Variants in YY1AP1 observed in about 807,000 individuals in gnomAD.
YY1AP1 encodes the protein YY1 associated protein 1.
YY1AP1 carries 43 observed loss-of-function variants against 39.9 expected under a neutral mutation model. That is an observed-to-expected ratio of 1.08 (90% confidence interval 0.84 to 1.39). YY1AP1 has a LOEUF of 1.39. YY1AP1 is among the 40% of genes most tolerant of loss of function. YY1AP1 has a pLI of 0.00. For missense variants in YY1AP1, 813 were observed against 900.7 expected, an observed-to-expected ratio of 0.90 and a Z score of 1.25; for synonymous variants, 292 against 331.3, an observed-to-expected ratio of 0.88 and a Z score of 1.29.
chr1:155,660,049 T>G lies in YY1AP1; in HGVS notation c.1861A>C (p.Asn621His), dbSNP rs776378629. 1.9e-6 allele frequency: 3 copies of G among 1,614,152 alleles called. No homozygotes were observed. The South Asian group carries it at 3.3e-5, about 18-fold the overall frequency. The change falls in exon 11 of 11, where the codon AAT becomes CAT. Residue 621 changes from asparagine (N) to histidine (H), a missense_variant. Physicochemically the swap from Asn to His is moderately conservative, Grantham distance 68. Transcript: ENST00000355499. ...GATGGTATAGGAAGATTCACAGAAT[T>G]GCCAGAAACAATTAAGGGTGAGACA... ...SSVSPLIVSG[N>H]SVNLPIPSTP...
intron 7 of YY1AP1, among the ~76,000 whole-genome samples, chr1:155,671,452 G>T (rs1649857855): frequency 6.6e-6 from 1 of 150,378 alleles, no homozygotes; most frequent in Non-Finnish European, 1.5e-5. Flanking sequence ...AAAGAAAAAA[G>T]ATTCCAACTT....
At chr1:155,679,227 A>G in intron 4 of YY1AP1, 182 bp downstream of exon 4, 1 of 1,528,634 alleles carries the variant, frequency 6.5e-7, no homozygotes, top group Non-Finnish European at 8.8e-7. Flanking sequence ...CTTGGCCTAC[A>G]GCTGCACTGC....
rs763967848 is a variant in YY1AP1, at chr1:155,676,679, G to A, written c.193C>T (p.Leu65=). 3 of 1,613,986 alleles carry A rather than the reference G, an allele frequency of 1.9e-6. No individual in the cohort carries two copies. The highest frequency in any genetic ancestry group is 2.5e-6 in the Non-Finnish European group (3 of 1,180,030). Residue 65 remains leucine (L), a synonymous_variant, in exon 5 of 11, where the codon CTG becomes TTG. Transcript: ENST00000355499. ...HQIAKELFEQ[L]KMKKPSAKQQ... is the part of the protein sequence containing the mutation. ...TTGGCTGAAGGTTTCTTCATCTTCA[G>A]CTGTTCAAATAGTTCCTTCGCTATC...
At chr1:155,669,947 C>T (rs563311404) in intron 8 of YY1AP1, among the ~76,000 whole-genome samples, 1 of 152,130 alleles carries the variant, frequency 6.6e-6, no homozygotes, top group African/African-American at 2.4e-5. Context: ...ATCACTTGAT[C>T]CCAGGAGTTC....
intron 1 of YY1AP1, 101 bp from the exon 2 acceptor site, chr1:155,688,302 G>A: frequency 6.4e-7 from 1 of 1,567,218 alleles, no homozygotes; most frequent in Non-Finnish European, 8.6e-7. Flanking sequence ...GTTTCCCCTC[G>A]CAAAGCGAAC....
chr1:155,688,228 G>A (rs775883107), intron 1 of YY1AP1, 27 bp from the exon 2 acceptor site: 5 of 1,613,136 alleles, frequency 3.1e-6, no homozygotes, highest in Non-Finnish European at 4.2e-6. Context: ...AGAGGAGAAG[G>A]GAAAGGTGGA....
Position 155,682,531 on chromosome 1 carries a change from T to C in YY1AP1, c.-20-2075A>G, listed in dbSNP as rs979796947. ...CCTGCCACAACACCTGGATAATTTT[T>C]TGTATTTTTAGTAGAGATGGGGTTT... is the stretch of plus-strand genomic sequence containing the variant. On this transcript the variant is annotated intron_variant, in intron 2 of 10. Coordinates refer to ENST00000355499, the MANE Select transcript of YY1AP1 (RefSeq NM_139119.3). 3.3e-5 allele frequency among the ~76,000 whole-genome samples: 5 copies of C among 152,084 alleles called. No individual in the cohort carries two copies. In the South Asian group the frequency reaches 1.0e-3, roughly 32 times the overall value.
chr1:155,679,086 G>C (rs1651140749), intron 4 of YY1AP1: 1 of 1,233,090 alleles, frequency 8.1e-7, no homozygotes, highest in Admixed American at 3.3e-5. Flanking sequence ...GGGACAGACT[G>C]GATATTACAA....
chr1:155,678,399 T>C (rs974062957), intron 4 of YY1AP1, among the ~76,000 whole-genome samples: 13 of 152,234 alleles, frequency 8.5e-5, no homozygotes, highest in African/African-American at 2.9e-4. Context: ...ATTAGTTCTA[T>C]ATTTTCCAAA....
chr1:155,668,484 C>A, intron 9 of YY1AP1, 143 bp downstream of exon 9: 1 of 1,268,894 alleles, frequency 7.9e-7, no homozygotes, highest in South Asian at 1.3e-5. Context: ...CCTGAAAAGG[C>A]AACAGGGGAA....
chr1:155,688,719 G>T lies in YY1AP1; in HGVS notation c.-212C>A. 9.5e-7 allele frequency: 1 copy of T among 1,053,238 alleles called. No individual in the cohort carries two copies. Among genetic ancestry groups the T allele is most frequent in the Non-Finnish European group, 1.3e-6 (1 of 744,888 alleles). 65.2% of individuals were successfully genotyped at this position (1,053,238 alleles called of 1,614,324 possible). A position where few individuals can be genotyped will look rare whatever the true frequency, so the allele number is the denominator to read the frequency against. ...TCTTCTCTCCTCCCCCTCCCTCCCCGCCCGCACGGCCACCAACCGCCGCCA... is the reference window on the plus strand; with the variant it reads ...TCTTCTCTCCTCCCCCTCCCTCCCCTCCCGCACGGCCACCAACCGCCGCCA... On this transcript the variant is annotated 5_prime_UTR_variant, in exon 1 of 11. Transcript: ENST00000355499.
intron 4 of YY1AP1, among the ~76,000 whole-genome samples, chr1:155,677,040 G>T (rs1342561394): frequency 6.6e-6 from 1 of 152,086 alleles, no homozygotes; most frequent in East Asian, 1.9e-4. Context: ...AAATATATGG[G>T]TAAGAAAGCA....
chr1:155,677,947 T>C (rs1650958857), intron 4 of YY1AP1, among the ~76,000 whole-genome samples: 1 of 152,228 alleles, frequency 6.6e-6, no homozygotes, highest in Non-Finnish European at 1.5e-5. Flanking sequence ...TTACTCTCTA[T>C]GGACTTACAG....
intron 9 of YY1AP1, among the ~76,000 whole-genome samples, chr1:155,666,620 C>T (rs908142871): frequency 6.6e-6 from 1 of 151,964 alleles, no homozygotes. Flanking sequence ...CAGGCAGTAC[C>T]AATTAGAGGC....
chr1:155,666,175 G>A (rs1648974210), intron 9 of YY1AP1, among the ~76,000 whole-genome samples: 1 of 151,514 alleles, frequency 6.6e-6, no homozygotes, highest in Non-Finnish European at 1.5e-5. Flanking sequence ...AGACTGGAGT[G>A]CAGTGGCGCG....
rs1650545653 is a variant in YY1AP1 at position 155,675,658 on chromosome 1, AT to A, written c.325-563del. ...TTTTTTGTAGAGACAGAGTCTCACT[AT>A]GTTGTCCAGGCTGCTTTTGAACTCC... On this transcript the variant is annotated intron_variant, in intron 5 of 10. Transcript: ENST00000355499. Among the ~76,000 whole-genome samples the A allele has an allele frequency of 2.7e-5, 4 of 150,412 alleles. No homozygotes were observed. The South Asian group carries it at 8.5e-4, about 32-fold the overall frequency.
Position 155,688,566 on chromosome 1 carries a change from C to G in YY1AP1, c.-152+93G>C, listed in dbSNP as rs529365618. The G allele has an allele frequency of 1.1e-5, 17 of 1,538,128 alleles. No homozygotes were observed. The Admixed American group carries it at 1.6e-4, about 14-fold the overall frequency. ...CGGCCGTCCTGCGAGCCAGCCATCCCGTACGCGCTCACCCACGGGAACCTC... is the reference window on the plus strand; with the variant it reads ...CGGCCGTCCTGCGAGCCAGCCATCCGGTACGCGCTCACCCACGGGAACCTC... On this transcript the variant is annotated intron_variant, in intron 1 of 10. Coordinates refer to ENST00000355499, the MANE Select transcript of YY1AP1 (RefSeq NM_139119.3).
At chr1:155,671,551 T>C (rs2149045338) in intron 7 of YY1AP1, among the ~76,000 whole-genome samples, 2 of 152,310 alleles carry the variant, frequency 1.3e-5, no homozygotes, top group Non-Finnish European at 2.9e-5. Flanking sequence ...AGATTCCTCC[T>C]GAGGTTGGGA....
chr1:155,686,009 T>C (rs935608018), intron 2 of YY1AP1, among the ~76,000 whole-genome samples: 5 of 151,092 alleles, frequency 3.3e-5, no homozygotes, highest in African/African-American at 1.2e-4. Context: ...ACGGGATCCT[T>C]ACTACATGAA....
Sources: gnomAD v4.1 joint callset for allele counts (sites outside exome capture counted in the v4.1 genomes callset) on GRCh38, gnomAD v4.1.1 for gene constraint, MANE v1.5 for transcripts, NCBI Gene and HGNC (gene_info 2026-07-23, HGNC 2026-07-21) for gene names.